DIAPH2: variants seen among roughly 807,000 people sequenced by gnomAD.
DIAPH2 encodes protein diaphanous homolog 2.
A neutral mutation model predicts 92.7 loss-of-function variants in DIAPH2; 35 were observed. That is an observed-to-expected ratio of 0.38 (90% CI 0.29 to 0.50). DIAPH2 has a LOEUF of 0.50. Ranked by LOEUF, DIAPH2 falls within the 20% of genes least tolerant of loss-of-function variation. DIAPH2 has a pLI of 0.94. For missense variants in DIAPH2, 701 were observed against 819.5 expected (o/e 0.86, Z 1.77); for synonymous variants, 301 against 280.4 (o/e 1.07, Z -0.73).
chrX:96,888,538 CAT>C (rs2065280908), intron 5 of DIAPH2, among the ~76,000 whole-genome samples: 1 of 96,627 alleles, frequency 1.0e-5, no homozygotes, highest in Non-Finnish European at 2.0e-5. Flanking sequence ...TATATATATA[CAT>C]ACAGATATAT....
intron 26 of DIAPH2, among the ~76,000 whole-genome samples, chrX:97,474,032 T>C (rs1271537512): frequency 8.9e-6 from 1 of 112,688 alleles, no homozygotes; most frequent in African/African-American, 3.2e-5. Context: ...TAAAGTTTTT[T>C]GCAACATTGC....
chrX:96,969,812 G>T (rs751887941), intron 17 of DIAPH2, among the ~76,000 whole-genome samples: 2 of 111,358 alleles, frequency 1.8e-5, no homozygotes, highest in Non-Finnish European at 3.8e-5. Context: ...TCTTATTCCA[G>T]TTCTCAAGGG....
chrX:97,166,143 A>T (rs950599252), intron 22 of DIAPH2, among the ~76,000 whole-genome samples: 22 of 111,521 alleles, frequency 2.0e-4, no homozygotes, highest in African/African-American at 7.2e-4. Context: ...ACCCTTATCA[A>T]TCTCAATACA....
chrX:97,172,797 G>A (rs2067463773), intron 22 of DIAPH2, among the ~76,000 whole-genome samples: 1 of 111,485 alleles, frequency 9.0e-6, no homozygotes, highest in Admixed American at 9.5e-5. Context: ...TGAAGATCAA[G>A]TCCCCTACTT....
intron 17 of DIAPH2, among the ~76,000 whole-genome samples, chrX:97,068,420 T>C (rs2066647243): frequency 8.9e-6 from 1 of 112,007 alleles, no homozygotes; most frequent in Non-Finnish European, 1.9e-5. Flanking sequence ...TTTTTAATAC[T>C]CTCATCTGTT....
chrX:97,537,746 C>T (rs947693443), intron 26 of DIAPH2, among the ~76,000 whole-genome samples: 6 of 111,858 alleles, frequency 5.4e-5, no homozygotes, highest in Non-Finnish European at 5.6e-5. Context: ...AACCTGGTTG[C>T]CAGCAGCCAT....
At chrX:97,156,651 A>G (rs969840653) in intron 22 of DIAPH2, among the ~76,000 whole-genome samples, 7 of 111,859 alleles carry the variant, frequency 6.3e-5, no homozygotes, top group Non-Finnish European at 1.3e-4. Context: ...GGACTTAAAT[A>G]TGTGTGCATT....
At chrX:96,924,145 A>G (rs1315570029) in intron 9 of DIAPH2, among the ~76,000 whole-genome samples, 1 of 111,923 alleles carries the variant, frequency 8.9e-6, no homozygotes, top group Non-Finnish European at 1.9e-5. Flanking sequence ...GTGAAAGTGC[A>G]TTTATAAGAA....
intron 22 of DIAPH2, among the ~76,000 whole-genome samples, chrX:97,152,491 A>T (rs966384132): frequency 8.9e-6 from 1 of 112,056 alleles, no homozygotes; most frequent in Admixed American, 9.5e-5. Flanking sequence ...GTAATTTCTA[A>T]AGAAAAAAAT....
Position 97,413,085 on chromosome X carries a change from T to G in DIAPH2, c.3146-16565T>G, listed in dbSNP as rs975290215. ...CCAGCATCATCCTGATACCAAAGCCTGGCAGAGACACAACCAAAAAAGAGA... is the reference window on the plus strand; with the variant it reads ...CCAGCATCATCCTGATACCAAAGCCGGGCAGAGACACAACCAAAAAAGAGA... On this transcript the variant is annotated intron_variant, in intron 25 of 26. Transcript: ENST00000324765. Among the ~76,000 whole-genome samples, 105 of 111,766 alleles carry G rather than the reference T, an allele frequency of 9.4e-4. 2 individuals carry two copies. The highest frequency in any genetic ancestry group is 4.6e-3 in the Middle Eastern group (1 of 217).
rs1280947580 is a variant in DIAPH2, at chrX:97,460,378, G to A, written c.3241+30633G>A. On this transcript the variant is annotated intron_variant, in intron 26 of 26. Coordinates refer to ENST00000324765, the MANE Select transcript of DIAPH2 (RefSeq NM_006729.5). ...TTAGTTAGAGTTTAAAGAAAAAGCA[G>A]CAGTAAAAAAGGAGAGACTGAAGTT... Among the ~76,000 whole-genome samples the A allele has an allele frequency of 3.6e-5, 4 of 111,862 alleles. No individual in the cohort carries two copies. In the Admixed American group the frequency reaches 3.8e-4, roughly 11 times the overall value.
intron 4 of DIAPH2, among the ~76,000 whole-genome samples, chrX:96,765,086 T>A (rs5949997): frequency 0.22 from 23,877 of 110,267 alleles, 1,988 homozygotes; most frequent in East Asian, 0.32. Flanking sequence ...CTGTTACCAG[T>A]TATCTTGCTC....
At chrX:97,070,545 A>C (rs1415625552) in intron 17 of DIAPH2, among the ~76,000 whole-genome samples, 1 of 111,739 alleles carries the variant, frequency 8.9e-6, no homozygotes, top group Non-Finnish European at 1.9e-5. Context: ...GCCTGTGGTC[A>C]TGATCCCTAA....
chrX:97,543,455 A>G (rs965468413), intron 26 of DIAPH2, among the ~76,000 whole-genome samples: 2 of 111,996 alleles, frequency 1.8e-5, no homozygotes, highest in African/African-American at 6.5e-5. Context: ...TTACAGGAAT[A>G]TGAAAATAAT....
chrX:97,483,407 G>GAGA (rs1360983058), intron 26 of DIAPH2, among the ~76,000 whole-genome samples: 1 of 110,727 alleles, frequency 9.0e-6, no homozygotes, highest in Non-Finnish European at 1.9e-5. Context: ...AAAAGAGAGA[G>GAGA]AGAGAGAAAG....
chrX:97,110,631 A>G (rs749473807), intron 20 of DIAPH2, among the ~76,000 whole-genome samples: 2 of 111,743 alleles, frequency 1.8e-5, no homozygotes, highest in Non-Finnish European at 3.8e-5. Flanking sequence ...TGTGACTTGA[A>G]TATCACTTCA....
chrX:96,928,685 A>G (rs2065599684), intron 9 of DIAPH2, among the ~76,000 whole-genome samples: 1 of 111,198 alleles, frequency 9.0e-6, no homozygotes, highest in African/African-American at 3.2e-5. Context: ...TTAAATATCT[A>G]TTAGAATATG....
chrX:97,271,027 C>A (rs1376735584), intron 23 of DIAPH2, among the ~76,000 whole-genome samples: 4 of 111,014 alleles, frequency 3.6e-5, no homozygotes, highest in Non-Finnish European at 5.7e-5. Context: ...TATTCCACTG[C>A]TACCCAAAAT....
At chrX:97,425,364 A>T (rs750228077) in intron 25 of DIAPH2, among the ~76,000 whole-genome samples, 1 of 112,283 alleles carries the variant, frequency 8.9e-6, no homozygotes, top group Non-Finnish European at 1.9e-5. Context: ...AACAGTAGTT[A>T]ATAACAATAT....
Sources: gnomAD v4.1 joint callset for allele counts (sites outside exome capture counted in the v4.1 genomes callset) on GRCh38, gnomAD v4.1.1 for gene constraint, MANE v1.5 for transcripts, NCBI Gene and HGNC (gene_info 2026-07-23, HGNC 2026-07-21) for gene names.